NHSL1: variants seen among roughly 807,000 people sequenced by gnomAD.
NHSL1 encodes the protein NHS-like protein 1.
A neutral mutation model predicts 95.0 loss-of-function variants in NHSL1; 48 were observed. The observed-to-expected ratio is 0.51, with a 90% CI of 0.40 to 0.64. NHSL1 has a LOEUF of 0.64. NHSL1 is among the 30% of genes least tolerant of loss of function. The probability of loss-of-function intolerance (pLI) is 0.00; values close to 1 mark genes in which losing one functional copy is unlikely to be tolerated. For synonymous variants in NHSL1, 783 were observed against 833.9 expected, an observed-to-expected ratio of 0.94 and a Z score of 1.05; for missense variants, 1,971 against 2,077.7, an observed-to-expected ratio of 0.95 and a Z score of 1.00.
At chr6:138,664,439 C>T (rs1210963831) in intron 1 of NHSL1, among the ~76,000 whole-genome samples, 1 of 151,988 alleles carries the variant, frequency 6.6e-6, no homozygotes, top group East Asian at 1.9e-4. Flanking sequence ...AACATAATGG[C>T]CTAAGAGAGG....
chr6:138,486,134 T>C (rs980195010), intron 2 of NHSL1, among the ~76,000 whole-genome samples: 3 of 152,158 alleles, frequency 2.0e-5, no homozygotes, highest in Non-Finnish European at 2.9e-5. Flanking sequence ...CCATTCTCTT[T>C]CCATATCTGT....
chr6:138,521,821 C>A (rs149021981), intron 1 of NHSL1, among the ~76,000 whole-genome samples: 2 of 151,894 alleles, frequency 1.3e-5, no homozygotes, highest in African/African-American at 2.4e-5. Flanking sequence ...GAGGTCAGGG[C>A]GGGAGATTTT....
chr6:138,583,746 T>G (rs1054841625), intron 1 of NHSL1, among the ~76,000 whole-genome samples: 1 of 152,162 alleles, frequency 6.6e-6, no homozygotes, highest in Non-Finnish European at 1.5e-5. Flanking sequence ...TCCTTTGATA[T>G]TCCCCCACAT....
At chr6:138,660,792 CAAAAAAAA>C (rs1175314557) in intron 1 of NHSL1, among the ~76,000 whole-genome samples, 1 of 82,458 alleles carries the variant, frequency 1.2e-5, no homozygotes, top group African/African-American at 4.5e-5. Flanking sequence ...CCTGTCTCTA[CAAAAAAAA>C]AAAAAAAAAT....
chr6:138,498,332 G>A (rs1780480100), intron 1 of NHSL1, among the ~76,000 whole-genome samples: 1 of 152,096 alleles, frequency 6.6e-6, no homozygotes, highest in Non-Finnish European at 1.5e-5. Flanking sequence ...CTACCAACTG[G>A]CTCCTATGAA....
chr6:138,618,704 C>T (rs1443587509), intron 1 of NHSL1, among the ~76,000 whole-genome samples: 1 of 151,992 alleles, frequency 6.6e-6, no homozygotes, highest in Non-Finnish European at 1.5e-5. Context: ...TTTCTTCTGC[C>T]TATCTAGAAT....
chr6:138,654,489 A>T (rs1352696595), intron 1 of NHSL1, among the ~76,000 whole-genome samples: 1 of 152,242 alleles, frequency 6.6e-6, no homozygotes, highest in Non-Finnish European at 1.5e-5. Flanking sequence ...GGCCATTGAT[A>T]AGAAAATACT....
At position 138,431,325 on chromosome 6, in the gene NHSL1, G is replaced by A. The variant is rs1043214112; in HGVS notation, c.3020C>T (p.Ser1007Phe). 23 of 1,519,492 alleles carry A rather than the reference G, an allele frequency of 1.5e-5. No individual in the cohort carries two copies. The highest frequency in any genetic ancestry group is 1.9e-5 in the Non-Finnish European group (21 of 1,130,580). The allele number at this position is 1,519,492 out of a possible 1,614,324, so 94.1% of individuals were successfully genotyped here. The change falls in exon 6 of 8, where the codon TCC becomes TTC. Residue 1007 changes from serine to phenylalanine, a missense_variant. Transcript: ENST00000343505. The surrounding 1 kb of genome is among the most constrained non-coding windows in gnomAD (Gnocchi z 4.0). ...TAAGAGAGGTGGGGGCAATGGCAAG[G>A]ACACAGGTGAATCTGGAAGAATGGG... ...LSPILPDSPV[S>F]LPLPPPLLPS...
At chr6:138,658,819 G>A (rs1785189230) in intron 1 of NHSL1, among the ~76,000 whole-genome samples, 1 of 152,096 alleles carries the variant, frequency 6.6e-6, no homozygotes, top group African/African-American at 2.4e-5. Context: ...ATGACCAAAG[G>A]AATTTCTTGG....
chr6:138,650,339 G>A, intron 1 of NHSL1: 1 of 949,870 alleles, frequency 1.1e-6, no homozygotes, highest in Non-Finnish European at 1.7e-6. Context: ...TGAACACCGG[G>A]GAGTAACGGG....
At chr6:138,546,839 G>A (rs973593650), upstream of NHSL1, among the ~76,000 whole-genome samples, 2 of 152,172 alleles carry the variant, frequency 1.3e-5, no homozygotes, top group African/African-American at 4.8e-5. Context: ...ACTTGACTGT[G>A]GACTCTCAAA....
At chr6:138,459,976 C>A (rs1777884875) in intron 3 of NHSL1, among the ~76,000 whole-genome samples, 1 of 152,108 alleles carries the variant, frequency 6.6e-6, no homozygotes, top group African/African-American at 2.4e-5. Context: ...TTTATGATCT[C>A]TAATGCCAAT....
intron 1 of NHSL1, among the ~76,000 whole-genome samples, chr6:138,591,741 G>A (rs1784231239): frequency 6.6e-6 from 1 of 152,136 alleles, no homozygotes; most frequent in Non-Finnish European, 1.5e-5. Context: ...TAATTCATAA[G>A]TTTTCAATTG....
chr6:138,641,507 A>G (rs1001338149), intron 1 of NHSL1, among the ~76,000 whole-genome samples: 4 of 151,924 alleles, frequency 2.6e-5, no homozygotes, highest in Non-Finnish European at 4.4e-5. Context: ...GAATAAAGAA[A>G]AAATATTCAG....
chr6:138,640,706 C>T (rs1583462351), intron 1 of NHSL1, among the ~76,000 whole-genome samples: 1 of 152,246 alleles, frequency 6.6e-6, no homozygotes, highest in South Asian at 2.1e-4. Context: ...AACAGAAGGT[C>T]ATTAGTAGCT....
In NHSL1 at chr6:138,431,642, C is replaced by T. The variant is rs375729196; in HGVS notation, c.2703G>A (p.Ser901=). ...SLISSVSISS[S]STSLSSSTST... is the part of the protein sequence containing the mutation. ...AAGTACTAGAAGAAAGAGAAGTGGA[C>T]GATGAGGAAATGGATACTGAAGATA... is the stretch of plus-strand genomic sequence containing the variant. The change falls in exon 6 of 8, where the codon TCG becomes TCA. Residue 901 remains serine, a synonymous_variant. Transcript: ENST00000343505. The surrounding 1 kb of genome is among the most constrained non-coding windows in gnomAD (Gnocchi z 4.0). 21 of 1,551,380 alleles carry T rather than the reference C, an allele frequency of 1.4e-5. No homozygotes were observed. The highest frequency in any genetic ancestry group is 2.4e-5 in the East Asian group (1 of 40,920).
intron 3 of NHSL1, among the ~76,000 whole-genome samples, chr6:138,465,505 T>C (rs914282488): frequency 1.3e-5 from 2 of 152,134 alleles, no homozygotes; most frequent in Non-Finnish European, 2.9e-5. Flanking sequence ...CCTCTCTGGA[T>C]CCCTCCCCCA....
At position 138,544,344 on chromosome 6, in the gene NHSL1, T is replaced by G. The variant is rs150311331; in HGVS notation, c.16+1279A>C. Among the ~76,000 whole-genome samples, 902 of 152,104 alleles carry G rather than the reference T, an allele frequency of 5.9e-3. 11 individuals are homozygous for G. The highest frequency in any genetic ancestry group is 0.021 in the African/African-American group (868 of 41,480). ...ACTTAAATTCATGTCAGCCCATGAC[T>G]CCTTGGAAATCCACTGCAACTAGAT... is the stretch of plus-strand genomic sequence containing the variant. On this transcript the variant is annotated intron_variant, in intron 1 of 4. Transcript: ENST00000342260.
At position 138,541,176 on chromosome 6, in the gene NHSL1, G is replaced by A. The variant is rs1177640562; in HGVS notation, c.16+4447C>T. Among the ~76,000 whole-genome samples, 4 of 152,132 alleles carry A rather than the reference G, an allele frequency of 2.6e-5. No individual in the cohort carries two copies. In the East Asian group the frequency reaches 7.7e-4, roughly 29 times the overall value. On this transcript the variant is annotated intron_variant, in intron 1 of 4. Transcript: ENST00000342260. ...GAGGTCAGGAGGTCGAGATCAGCCTGGCCAACATGGTGAAACCTCATCTCT... is the reference window on the plus strand; with the variant it reads ...GAGGTCAGGAGGTCGAGATCAGCCTAGCCAACATGGTGAAACCTCATCTCT...
Sources: gnomAD v4.1 joint callset for allele counts (sites outside exome capture counted in the v4.1 genomes callset) on GRCh38, gnomAD v4.1.1 for gene constraint, Gnocchi (gnomAD v3.1) non-coding constraint, MANE v1.5 for transcripts, NCBI Gene and HGNC (gene_info 2026-07-23, HGNC 2026-07-21) for gene names.